Variants in TMEM132C observed in about 807,000 individuals in gnomAD.
The protein encoded by TMEM132C is transmembrane protein 132C.
TMEM132C carries 29 observed loss-of-function variants against 61.4 expected under a neutral mutation model. That is an observed-to-expected ratio of 0.47 (90% CI 0.35 to 0.64). The LOEUF (loss-of-function observed/expected upper bound fraction) is 0.64, where lower values mean the gene tolerates loss of function less well. TMEM132C is among the 30% of genes least tolerant of loss of function. The probability of loss-of-function intolerance (pLI) is 0.00; values close to 1 mark genes in which losing one functional copy is unlikely to be tolerated. For missense variants in TMEM132C, 1,408 were observed against 1,476.9 expected (o/e 0.95, Z 0.76); for synonymous variants, 656 against 633.1 (o/e 1.04, Z -0.54).
At chr12:128,646,936 T>C (rs1370066405) in intron 4 of TMEM132C, among the ~76,000 whole-genome samples, 2 of 151,678 alleles carry the variant, frequency 1.3e-5, no homozygotes, top group African/African-American at 2.4e-5. Flanking sequence ...GTTGGATGTG[T>C]GTTTACTGGA....
At chr12:128,482,415 G>A (rs1407462909) in intron 2 of TMEM132C, among the ~76,000 whole-genome samples, 1 of 152,164 alleles carries the variant, frequency 6.6e-6, no homozygotes, top group Non-Finnish European at 1.5e-5. Flanking sequence ...TGTTCATCAG[G>A]GATATTGACC....
chr12:128,642,692 T>G (rs1182931542), intron 4 of TMEM132C, among the ~76,000 whole-genome samples: 5 of 152,204 alleles, frequency 3.3e-5, no homozygotes, highest in Non-Finnish European at 7.3e-5. Flanking sequence ...ACTGTGCTTC[T>G]TGTACAGCCT....
intron 4 of TMEM132C, among the ~76,000 whole-genome samples, chr12:128,648,999 A>G (rs12809949): frequency 0.35 from 51,583 of 145,502 alleles, 11,730 homozygotes; most frequent in African/African-American, 0.64. Context: ...AGCATTGGAT[A>G]AGTATGTTTA....
intron 3 of TMEM132C, among the ~76,000 whole-genome samples, chr12:128,592,437 G>A (rs1875786486): frequency 6.6e-6 from 1 of 152,248 alleles, no homozygotes; most frequent in African/African-American, 2.4e-5. Flanking sequence ...GTGTTCAGTG[G>A]ATGGACAAAT....
intron 2 of TMEM132C, among the ~76,000 whole-genome samples, chr12:128,534,812 C>T (rs1167972940): frequency 6.6e-6 from 1 of 152,222 alleles, no homozygotes; most frequent in Non-Finnish European, 1.5e-5. Context: ...ATGCATTTCT[C>T]CCATTTCTGT....
chr12:128,512,239 A>G (rs957684686), intron 2 of TMEM132C, among the ~76,000 whole-genome samples: 1 of 152,126 alleles, frequency 6.6e-6, no homozygotes, highest in African/African-American at 2.4e-5. Context: ...ATCCCCGTGC[A>G]CCTGCTCCTG....
chr12:128,524,619 T>G (rs761196760), intron 2 of TMEM132C, among the ~76,000 whole-genome samples: 1 of 152,142 alleles, frequency 6.6e-6, no homozygotes, highest in Non-Finnish European at 1.5e-5. Flanking sequence ...ACAAGCCTAC[T>G]CATTAAAATT....
At chr12:128,276,158 T>C (rs1050786851) in intron 1 of TMEM132C, among the ~76,000 whole-genome samples, 4 of 152,218 alleles carry the variant, frequency 2.6e-5, no homozygotes, top group Non-Finnish European at 4.4e-5. Flanking sequence ...TAAGTGGACA[T>C]TCGCTTTTGA....
intron 2 of TMEM132C, among the ~76,000 whole-genome samples, chr12:128,482,555 G>A (rs887052523): frequency 4.6e-5 from 7 of 152,056 alleles, no homozygotes; most frequent in Admixed American, 2.0e-4. Flanking sequence ...AAATGGTACC[G>A]GCTCTTCTTT....
intron 3 of TMEM132C, among the ~76,000 whole-genome samples, chr12:128,563,772 A>T (rs2136165517): frequency 1.3e-5 from 2 of 152,332 alleles, no homozygotes; most frequent in South Asian, 4.1e-4. Flanking sequence ...ACTGTGCTTG[A>T]CGCTTAGCAA....
chr12:128,639,893 A>G (rs1954144562), intron 4 of TMEM132C, among the ~76,000 whole-genome samples: 2 of 152,242 alleles, frequency 1.3e-5, no homozygotes, highest in African/African-American at 4.8e-5. Context: ...TTTACAAGTG[A>G]AGACTGTTAC....
At chr12:128,390,462 C>G (rs915755614) in intron 1 of TMEM132C, among the ~76,000 whole-genome samples, 9 of 152,166 alleles carry the variant, frequency 5.9e-5, no homozygotes, top group Non-Finnish European at 1.3e-4. Context: ...ATCCCTGCAG[C>G]CTCCTCTGCC....
intron 1 of TMEM132C, among the ~76,000 whole-genome samples, chr12:128,381,656 C>T (rs1346003994): frequency 2.0e-5 from 3 of 152,162 alleles, no homozygotes; most frequent in Non-Finnish European, 4.4e-5. Flanking sequence ...TCGGAAGGCA[C>T]AGTCACTGGG....
chr12:128,578,154 C>T (rs755251511), intron 3 of TMEM132C, among the ~76,000 whole-genome samples: 9 of 152,268 alleles, frequency 5.9e-5, no homozygotes, highest in Non-Finnish European at 7.3e-5. Flanking sequence ...CTTCCCTCCA[C>T]GCCAGTGGAG....
At chr12:128,625,134 A>G (rs972327667) in intron 4 of TMEM132C, among the ~76,000 whole-genome samples, 15 of 152,198 alleles carry the variant, frequency 9.9e-5, no homozygotes, top group African/African-American at 3.6e-4. Flanking sequence ...TTGAATGGGA[A>G]AGTTACACCT....
intron 3 of TMEM132C, among the ~76,000 whole-genome samples, chr12:128,552,213 T>C (rs1328774377): frequency 3.3e-5 from 5 of 152,226 alleles, no homozygotes; most frequent in Non-Finnish European, 5.9e-5. Context: ...TCATTAGGCA[T>C]TCTTATTAAA....
chr12:128,285,386 C>G, intron 1 of TMEM132C, among the ~76,000 whole-genome samples: 2 of 149,362 alleles, frequency 1.3e-5, no homozygotes, highest in Middle Eastern at 6.9e-3. Flanking sequence ...GGAATGAAAA[C>G]AAAAAAAAAG....
intron 1 of TMEM132C, among the ~76,000 whole-genome samples, chr12:128,313,699 A>G (rs1872052568): frequency 6.6e-6 from 1 of 152,182 alleles, no homozygotes; most frequent in Non-Finnish European, 1.5e-5. Flanking sequence ...AGGAGCATAA[A>G]TAAATGGTCA....
At position 128,670,086 on chromosome 12, in the gene TMEM132C, G is replaced by C. The variant is rs549433481; in HGVS notation, c.1449+526G>C. On this transcript the variant is annotated intron_variant, in intron 5 of 8. Transcript: ENST00000435159. ...ACACTTTAGGAGGCTGAGGTGGGTG[G>C]ATCACCTGAGGTCAGGAGTTCTAGA... 3.3e-5 allele frequency among the ~76,000 whole-genome samples: 5 copies of C among 152,216 alleles called. No homozygotes were observed. The Middle Eastern group carries it at 0.017, about 518-fold the overall frequency.
Sources: allele counts gnomAD v4.1 joint callset (sites outside exome capture counted in the v4.1 genomes callset), GRCh38; gene constraint gnomAD v4.1.1; transcripts MANE v1.5; gene names NCBI Gene and HGNC (gene_info 2026-07-23, HGNC 2026-07-21).